Variants in SLC1A1 observed in about 807,000 individuals in gnomAD.
The protein encoded by SLC1A1 is excitatory amino acid transporter 3.
SLC1A1 carries 43 observed loss-of-function variants against 53.3 expected under a neutral mutation model. The observed-to-expected ratio is 0.81, with a 90% CI of 0.63 to 1.04. SLC1A1 has a LOEUF of 1.04. Ranked by LOEUF, SLC1A1 falls within the 50% of genes least tolerant of loss-of-function variation. The pLI is 0.00. For synonymous variants in SLC1A1, 307 were observed against 243.2 expected (o/e 1.26, Z -2.44); for missense variants, 748 against 664.9 (o/e 1.12, Z -1.37).
chr9:4,531,379 G>A (rs560883833), intron 1 of SLC1A1, among the ~76,000 whole-genome samples: 7 of 152,294 alleles, frequency 4.6e-5, no homozygotes, highest in African/African-American at 1.2e-4. Context: ...TTTTCCAACG[G>A]TCTTAGCAAA....
intron 2 of SLC1A1, among the ~76,000 whole-genome samples, chr9:4,557,626 T>TAAA (rs538528891): frequency 0.02 from 2,991 of 149,062 alleles, 105 homozygotes; most frequent in African/African-American, 0.068. Flanking sequence ...TCTCTACAAT[T>TAAA]AAAAAAAAAA....
Position 4,490,583 on chromosome 9 carries a change from A to G in SLC1A1, c.-97A>G. 1.1e-6 allele frequency: 1 copy of G among 946,396 alleles called. No individual in the cohort carries two copies. Among genetic ancestry groups the G allele is most frequent in the Non-Finnish European group, 1.7e-6 (1 of 601,748 alleles). The allele number at this position is 946,396 out of a possible 1,614,324, so 58.6% of individuals were successfully genotyped here. A position where few individuals can be genotyped will look rare whatever the true frequency, so the allele number is the denominator to read the frequency against. On this transcript the variant is annotated 5_prime_UTR_variant, in exon 1 of 12. Coordinates refer to ENST00000262352, the MANE Select transcript of SLC1A1 (RefSeq NM_004170.6). The stretch of plus-strand genomic sequence containing the variant: ...GCCGGCTCTCACCTCTCCCCTGTGC[A>G]CCCGCATCTCGCCGCGCCGCCGAGC...
intron 1 of SLC1A1, among the ~76,000 whole-genome samples, chr9:4,521,524 C>G (rs1033463237): frequency 3.3e-5 from 5 of 152,150 alleles, no homozygotes; most frequent in Admixed American, 6.5e-5. Context: ...GGCATGGACA[C>G]CTTGTTTTTG....
chr9:4,575,176 C>T (rs1323479290), intron 8 of SLC1A1, among the ~76,000 whole-genome samples: 1 of 152,196 alleles, frequency 6.6e-6, no homozygotes, highest in African/African-American at 2.4e-5. Flanking sequence ...TCAAGAAGAT[C>T]CTCTCGCCAG....
chr9:4,544,399 G>T (rs1421154590), intron 1 of SLC1A1, among the ~76,000 whole-genome samples, 168 bp from the exon 2 acceptor site: 4 of 152,126 alleles, frequency 2.6e-5, no homozygotes, highest in Non-Finnish European at 5.9e-5. Context: ...TCTGTTCACT[G>T]TCTTTTAAAA....
chr9:4,567,614 G>C, intron 5 of SLC1A1, 55 bp from the exon 6 acceptor site: 3 of 1,162,286 alleles, frequency 2.6e-6, no homozygotes, highest in South Asian at 1.3e-5. Flanking sequence ...AGTCTCAAAA[G>C]CTTAAAAAAA....
At chr9:4,546,098 G>T (rs1176739041) in intron 2 of SLC1A1, among the ~76,000 whole-genome samples, 1 of 152,086 alleles carries the variant, frequency 6.6e-6, no homozygotes, top group Non-Finnish European at 1.5e-5. Context: ...CTGCATTCAG[G>T]GACTGCATTG....
At chr9:4,518,297 A>T (rs1393266756) in intron 1 of SLC1A1, among the ~76,000 whole-genome samples, 2 of 145,854 alleles carry the variant, frequency 1.4e-5, no homozygotes, top group Admixed American at 6.8e-5. Context: ...TTTAGGACAG[A>T]TGACCAAGGA....
intron 1 of SLC1A1, among the ~76,000 whole-genome samples, chr9:4,500,944 G>A (rs933384087): frequency 6.6e-6 from 1 of 152,072 alleles, no homozygotes; most frequent in Non-Finnish European, 1.5e-5. Flanking sequence ...CCGGGCAGCG[G>A]TTCCCACTCA....
intron 1 of SLC1A1, among the ~76,000 whole-genome samples, chr9:4,497,115 G>C (rs1405400913): frequency 6.6e-6 from 1 of 151,872 alleles, no homozygotes; most frequent in Non-Finnish European, 1.5e-5. Context: ...CCACAAACCG[G>C]GTGGTTTTAA....
intron 3 of SLC1A1, among the ~76,000 whole-genome samples, chr9:4,563,851 A>G (rs1490813440): frequency 6.6e-6 from 1 of 152,144 alleles, no homozygotes; most frequent in Non-Finnish European, 1.5e-5. Context: ...CTTTCTAGAT[A>G]CTTGAAGACC....
intron 1 of SLC1A1, among the ~76,000 whole-genome samples, chr9:4,500,384 T>G (rs1820591722): frequency 6.6e-6 from 1 of 152,330 alleles, no homozygotes; most frequent in Middle Eastern, 3.4e-3. Context: ...TCTCGGCTAC[T>G]GCAACCTCCA....
In SLC1A1 at chr9:4,490,546, G is replaced by A. The variant is rs1450123265; in HGVS notation, c.-134G>A. On this transcript the variant is annotated 5_prime_UTR_variant, in exon 1 of 12. Coordinates refer to ENST00000262352, the MANE Select transcript of SLC1A1 (RefSeq NM_004170.6). ...GGCGGCAACGGCGGTGGTGACGGCG[G>A]CGACTGCAGCGGCCGGCTCTCACCT... 1 of 519,816 alleles carries A rather than the reference G, an allele frequency of 1.9e-6. No individual in the cohort carries two copies. Among genetic ancestry groups the A allele is most frequent in the Non-Finnish European group, 3.2e-6 (1 of 308,028 alleles). The allele number at this position is 519,816 out of a possible 1,614,324, so 32.2% of individuals were successfully genotyped here. A position where few individuals can be genotyped will look rare whatever the true frequency, so the allele number is the denominator to read the frequency against.
rs1291586516 is a variant in SLC1A1 at position 4,564,430 on chromosome 9, A to G, written c.412A>G (p.Thr138Ala). The stretch of plus-strand genomic sequence containing the variant: ...GACAGGCAGCACCCCTGAAGTCAGT[A>G]CGGTGGATGCCATGTTAGATCTCAT... The part of the protein sequence containing the change: ...ARTGSTPEVS[T>A]VDAMLDLIRN... Residue 138 changes from threonine (T) to alanine (A), a missense_variant, in exon 4 of 12, where the codon ACG becomes GCG. Physicochemically the swap from Thr to Ala is moderately conservative, Grantham distance 58 (BLOSUM62 0). Coordinates refer to ENST00000262352, the MANE Select transcript of SLC1A1 (RefSeq NM_004170.6). The G allele has an allele frequency of 1.1e-5, 18 of 1,613,074 alleles. No individual in the cohort carries two copies. The highest frequency in any genetic ancestry group is 1.4e-5 in the Non-Finnish European group (16 of 1,179,358).
At chr9:4,529,285 T>C (rs2130848429) in intron 1 of SLC1A1, among the ~76,000 whole-genome samples, 1 of 152,310 alleles carries the variant, frequency 6.6e-6, no homozygotes, top group South Asian at 2.1e-4. Context: ...TTCTTCTTAC[T>C]TGTGCAGTTA....
At chr9:4,494,288 T>C (rs992707524) in intron 1 of SLC1A1, among the ~76,000 whole-genome samples, 2 of 131,594 alleles carry the variant, frequency 1.5e-5, no homozygotes, top group Non-Finnish European at 3.5e-5. Context: ...CATCTGGAAA[T>C]TGGAGATATT....
chr9:4,513,243 A>T (rs1000042285), intron 1 of SLC1A1, among the ~76,000 whole-genome samples: 7 of 152,228 alleles, frequency 4.6e-5, no homozygotes, highest in Non-Finnish European at 7.3e-5. Flanking sequence ...TCCAAAAGGC[A>T]CTTAAGAGAA....
At chr9:4,511,519 A>G (rs1820997514) in intron 1 of SLC1A1, among the ~76,000 whole-genome samples, 2 of 151,904 alleles carry the variant, frequency 1.3e-5, no homozygotes, top group Non-Finnish European at 2.9e-5. Context: ...ACCATAGCAG[A>G]GGAGAAGAAA....
intron 1 of SLC1A1, among the ~76,000 whole-genome samples, chr9:4,542,295 A>G (rs1272446111): frequency 6.6e-6 from 1 of 152,206 alleles, no homozygotes; most frequent in Non-Finnish European, 1.5e-5. Flanking sequence ...ACAGTAACCT[A>G]CTTGGGGTAC....
Sources: allele counts gnomAD v4.1 joint callset (sites outside exome capture counted in the v4.1 genomes callset), GRCh38; gene constraint gnomAD v4.1.1; transcripts MANE v1.5; gene names NCBI Gene and HGNC (gene_info 2026-07-23, HGNC 2026-07-21).